Variants in EIF2AK3 observed in about 807,000 individuals in gnomAD.
EIF2AK3 encodes the protein eukaryotic translation initiation factor 2-alpha kinase 3.
EIF2AK3 carries 50 observed loss-of-function variants against 113.5 expected under a neutral mutation model. The observed-to-expected ratio is 0.44, with a 90% confidence interval of 0.35 to 0.56. The LOEUF (loss-of-function observed/expected upper bound fraction) is 0.56. Ranked by LOEUF, EIF2AK3 falls within the 20% of genes least tolerant of loss-of-function variation. The pLI is 0.00. For synonymous variants in EIF2AK3, 448 were observed against 495.4 expected (o/e 0.90, Z 1.27); for missense variants, 1,185 against 1,378.0 (o/e 0.86, Z 2.22).
At position 88,567,899 on chromosome 2, in the gene EIF2AK3, C is replaced by T. The variant is rs368151575; in HGVS notation, c.2985+2975G>A. Among the ~76,000 whole-genome samples, 41 of 152,256 alleles carry T rather than the reference C, an allele frequency of 2.7e-4. No homozygotes were observed. In the South Asian group the frequency reaches 7.5e-3, roughly 28 times the overall value. ...TCCTCCTTTACACAAAAGGTGTACACATTTCTGCATTTTGTTTTTTTTCAC... is the reference window on the plus strand; with the variant it reads ...TCCTCCTTTACACAAAAGGTGTACATATTTCTGCATTTTGTTTTTTTTCAC... On this transcript the variant is annotated intron_variant, in intron 14 of 16. Coordinates refer to ENST00000303236, the MANE Select transcript of EIF2AK3 (RefSeq NM_004836.7).
At chr2:88,558,088 G>A in intron 16 of EIF2AK3, 152 bp from the exon 17 acceptor site, 1 of 717,228 alleles carries the variant, frequency 1.4e-6, no homozygotes, top group South Asian at 1.7e-5. Context: ...ACTCAGCTCT[G>A]CCGTCAATGC....
intron 5 of EIF2AK3, 51 bp downstream of exon 5, chr2:88,590,767 C>A: frequency 6.2e-7 from 1 of 1,601,672 alleles, no homozygotes; most frequent in South Asian, 1.1e-5. Flanking sequence ...TAAGTTTGGT[C>A]AGACTGGGAG....
intron 10 of EIF2AK3, among the ~76,000 whole-genome samples, chr2:88,581,899 T>A (rs2104422868): frequency 6.6e-6 from 1 of 152,240 alleles, no homozygotes; most frequent in East Asian, 1.9e-4. Context: ...GCCAGGTAGG[T>A]ACCTTGCAGG....
chr2:88,609,955 A>AG, intron 2 of EIF2AK3, among the ~76,000 whole-genome samples: 1 of 149,144 alleles, frequency 6.7e-6, no homozygotes, highest in Non-Finnish European at 1.5e-5. Flanking sequence ...CAAAAAAAAA[A>AG]AAAAAAAAAA....
chr2:88,586,232 G>A (rs565994654), intron 8 of EIF2AK3, among the ~76,000 whole-genome samples, 171 bp from the exon 9 acceptor site: 62 of 150,966 alleles, frequency 4.1e-4, no homozygotes, highest in African/African-American at 1.4e-3. Flanking sequence ...TTTTTCTCCC[G>A]TAAATATAGA....
intron 2 of EIF2AK3, among the ~76,000 whole-genome samples, chr2:88,607,360 A>C (rs1675303347): frequency 6.6e-6 from 1 of 152,250 alleles, no homozygotes. Context: ...CAAAATTCTT[A>C]GCTACTATTA....
intron 6 of EIF2AK3, among the ~76,000 whole-genome samples, chr2:88,589,116 C>T (rs1674816388): frequency 6.6e-6 from 1 of 152,102 alleles, no homozygotes; most frequent in Non-Finnish European, 1.5e-5. Flanking sequence ...ATATTTCTCA[C>T]TGAATAATAG....
Position 88,576,566 on chromosome 2 carries a change from A to G in EIF2AK3, c.2024T>C (p.Leu675Pro). 1 of 1,614,122 alleles carries G rather than the reference A, an allele frequency of 6.2e-7. No homozygotes were observed. Among genetic ancestry groups the G allele is most frequent in the Non-Finnish European group, 8.5e-7 (1 of 1,179,992 alleles). ...KWQEKMDEIW[L>P]KDESTDWPLS... is the part of the protein sequence containing the mutation. ...CAAAGTTAGTTACCTTTCATCTTTC[A>G]GCCAAATTTCATCCATCTTTTCTTG... The change falls in exon 12 of 17, where the codon CTG becomes CCG. Residue 675 changes from leucine (L) to proline (P), a missense_variant. Transcript: ENST00000303236.
At chr2:88,602,943 A>C (rs1000823357) in intron 2 of EIF2AK3, among the ~76,000 whole-genome samples, 1 of 152,120 alleles carries the variant, frequency 6.6e-6, no homozygotes, top group East Asian at 1.9e-4. Flanking sequence ...ATTCTGCTAT[A>C]TCCTGGAACT....
At position 88,590,586 on chromosome 2, in the gene EIF2AK3, G is replaced by A. The variant is rs755930425; in HGVS notation, c.1022C>T (p.Ser341Phe). ...WEYQFCTPIA[S>F]AWLLKDGKVI... is the part of the protein sequence containing the mutation. Reference sequence around the variant, plus strand: ...TTTCCCATCCTTAAGTAACCAGGCAGATGCAATTGGAGTACAAAACTAAAC... The same window carrying A: ...TTTCCCATCCTTAAGTAACCAGGCAAATGCAATTGGAGTACAAAACTAAAC... The change falls in exon 6 of 17, where the codon TCT becomes TTT. Residue 341 changes from serine to phenylalanine, a missense_variant. Around this residue, in one of 3 missense-constraint regions of EIF2AK3, gnomAD observed 877 missense variants for 1,024.2 expected, o/e 0.86. Transcript: ENST00000303236. The A allele has an allele frequency of 1.1e-5, 17 of 1,612,848 alleles. No individual in the cohort carries two copies. The highest frequency in any genetic ancestry group is 1.3e-5 in the African/African-American group (1 of 74,864).
chr2:88,605,666 CA>C (rs1297535919), intron 2 of EIF2AK3, among the ~76,000 whole-genome samples: 1 of 151,746 alleles, frequency 6.6e-6, no homozygotes, highest in Non-Finnish European at 1.5e-5. Flanking sequence ...TTTAATTCTT[CA>C]AAAATGATAC....
intron 2 of EIF2AK3, among the ~76,000 whole-genome samples, chr2:88,611,338 T>C (rs1005663938): frequency 6.6e-6 from 1 of 152,152 alleles, no homozygotes; most frequent in Non-Finnish European, 1.5e-5. Flanking sequence ...GATTACACTG[T>C]GTAAGCAGCA....
At chr2:88,610,097 G>A (rs975671336) in intron 2 of EIF2AK3, among the ~76,000 whole-genome samples, 7 of 152,090 alleles carry the variant, frequency 4.6e-5, no homozygotes, top group African/African-American at 1.7e-4. Flanking sequence ...ACTCCAGCCT[G>A]GGCAACAGAG....
At chr2:88,625,284 T>TACACACACACACAC (rs375827301) in intron 1 of EIF2AK3, among the ~76,000 whole-genome samples, 2 of 135,138 alleles carry the variant, frequency 1.5e-5, no homozygotes, top group African/African-American at 2.6e-5. Context: ...ATCGCTTACG[T>TACACACACACACAC]ACACACACAC....
At chr2:88,593,994 A>G in intron 3 of EIF2AK3, 1 of 969,480 alleles carries the variant, frequency 1.0e-6, no homozygotes, top group Non-Finnish European at 1.2e-6. Flanking sequence ...TTTACAGATG[A>G]GACTACCGAA....
chr2:88,557,985 TGTACA>T (rs781096880), intron 16 of EIF2AK3, 49 bp from the exon 17 acceptor site: 1 of 1,569,422 alleles, frequency 6.4e-7, no homozygotes, highest in South Asian at 1.1e-5. Flanking sequence ...GTTTGATCAC[TGTACA>T]GTTTTTAAAA....
At chr2:88,586,206 A>G in intron 8 of EIF2AK3, 145 bp from the exon 9 acceptor site, 1 of 673,096 alleles carries the variant, frequency 1.5e-6, no homozygotes, top group East Asian at 2.7e-5. Context: ...TATTTTAAAC[A>G]TCTTAATTTG....
rs780050125 is a variant in EIF2AK3, at chr2:88,587,204, CAAAAAAAAA to C, written c.1429+769_1429+777del. ...TGGGTGACAGAGCGAAACTCCATCT[CAAAAAAAAA>C]AAAAAAAAAAAAAAAAAAAGATAAA... On this transcript the variant is annotated intron_variant, in intron 8 of 16. Transcript: ENST00000303236. Among the ~76,000 whole-genome samples, 46 of 30,270 alleles carry C rather than the reference CAAAAAAAAA, an allele frequency of 1.5e-3. No homozygotes were observed. The Admixed American group carries it at 0.015, about 10-fold the overall frequency. The allele number at this position is 30,270 out of a possible 152,430, so 19.9% of individuals were successfully genotyped here.
chr2:88,590,453 A>G lies in EIF2AK3; in HGVS notation c.1155T>C (p.Ser385=). 6.2e-7 allele frequency: 1 copy of G among 1,613,702 alleles called. No homozygotes were observed. The highest frequency in any genetic ancestry group is 1.1e-5 in the South Asian group (1 of 91,080). ...VEAARGATEN[S]VYLGMYRGQL... ...GATACATTTACTCACCCAAGTAAAC[A>G]CTGTTTTCTGTGGCTCCTCTGGCAG... Residue 385 remains serine (S), a synonymous_variant, in exon 6 of 17, where the codon AGT becomes AGC. Coordinates refer to ENST00000303236, the MANE Select transcript of EIF2AK3 (RefSeq NM_004836.7).
Sources: allele counts gnomAD v4.1 joint callset (sites outside exome capture counted in the v4.1 genomes callset), GRCh38; gene constraint gnomAD v4.1.1; regional missense constraint gnomAD v4.1.1; transcripts MANE v1.5; gene names NCBI Gene and HGNC (gene_info 2026-07-23, HGNC 2026-07-21).